BICC1: variants seen among roughly 807,000 people sequenced by gnomAD.
BICC1 encodes protein bicaudal C homolog 1.
BICC1 carries 43 observed loss-of-function variants against 111.0 expected under a neutral mutation model. The observed-to-expected ratio is 0.39, with a 90% CI of 0.30 to 0.50. The LOEUF (loss-of-function observed/expected upper bound fraction) is 0.50. BICC1 is among the 20% of genes least tolerant of loss of function. The pLI is 0.88. For synonymous variants in BICC1, 467 were observed against 434.4 expected, an observed-to-expected ratio of 1.07 and a Z score of -0.93; for missense variants, 1,091 against 1,203.2, an observed-to-expected ratio of 0.91 and a Z score of 1.38.
At chr10:58,645,838 A>G (rs1418238335) in intron 2 of BICC1, among the ~76,000 whole-genome samples, 2 of 152,184 alleles carry the variant, frequency 1.3e-5, no homozygotes, top group East Asian at 3.8e-4. Context: ...ATCTTGCCAG[A>G]AGCAGTTGCC....
At chr10:58,627,539 G>T (rs1014101616) in intron 2 of BICC1, among the ~76,000 whole-genome samples, 3 of 152,068 alleles carry the variant, frequency 2.0e-5, no homozygotes, top group African/African-American at 7.2e-5. Context: ...GAACTATTTC[G>T]ACATTATGTA....
intron 1 of BICC1, among the ~76,000 whole-genome samples, chr10:58,596,671 C>T (rs1015160237): frequency 6.6e-6 from 1 of 152,222 alleles, no homozygotes; most frequent in Non-Finnish European, 1.5e-5. Flanking sequence ...TCATCTCAGC[C>T]CCAAATCTCC....
intron 1 of BICC1, among the ~76,000 whole-genome samples, chr10:58,613,491 C>T (rs1669934706): frequency 6.6e-6 from 1 of 152,056 alleles, no homozygotes; most frequent in South Asian, 2.1e-4. Context: ...TTCACAGGCT[C>T]CATTTTGCCC....
chr10:58,592,220 C>G (rs779100964), intron 1 of BICC1, among the ~76,000 whole-genome samples: 1 of 152,098 alleles, frequency 6.6e-6, no homozygotes. Flanking sequence ...CCCTGTATAG[C>G]CGAGTATTAC....
At chr10:58,531,485 C>T (rs1031179684) in intron 1 of BICC1, among the ~76,000 whole-genome samples, 2 of 151,736 alleles carry the variant, frequency 1.3e-5, no homozygotes, top group African/African-American at 4.8e-5. Flanking sequence ...AAGAGGTGAC[C>T]GTTTATTCAA....
At chr10:58,766,681 CA>C (rs992751159) in intron 3 of BICC1, among the ~76,000 whole-genome samples, 3 of 151,662 alleles carry the variant, frequency 2.0e-5, no homozygotes, top group Non-Finnish European at 4.4e-5. Flanking sequence ...ACTGCTGGAG[CA>C]AAAAATTTAA....
At chr10:58,605,609 A>T (rs1217569678) in intron 1 of BICC1, among the ~76,000 whole-genome samples, 1 of 152,222 alleles carries the variant, frequency 6.6e-6, no homozygotes, top group East Asian at 1.9e-4. Flanking sequence ...TAATATTTGG[A>T]TATAACCTGT....
chr10:58,512,918 C>T lies in BICC1; in HGVS notation c.-226C>T, dbSNP rs1246054811. On this transcript the variant is annotated 5_prime_UTR_variant, in exon 1 of 21. Coordinates refer to ENST00000373886, the MANE Select transcript of BICC1 (RefSeq NM_001080512.3). The stretch of plus-strand genomic sequence containing the variant: ...CGGGGGGCGGCGCAGCCACTGGACC[C>T]GGACCGGGGCCGCGACCCGGGGTGG... Among the ~76,000 whole-genome samples, 3 of 147,132 alleles carry T rather than the reference C, an allele frequency of 2.0e-5. No individual in the cohort carries two copies. The highest frequency in any genetic ancestry group is 4.9e-5 in the African/African-American group (2 of 40,914).
chr10:58,729,895 A>G (rs1841234888), intron 3 of BICC1, among the ~76,000 whole-genome samples: 1 of 152,208 alleles, frequency 6.6e-6, no homozygotes, highest in Admixed American at 6.5e-5. Context: ...AACATTGGAG[A>G]TTACAATTCA....
chr10:58,808,873 G>A (rs1843803193), intron 17 of BICC1, among the ~76,000 whole-genome samples: 1 of 151,944 alleles, frequency 6.6e-6, no homozygotes, highest in African/African-American at 2.4e-5. Flanking sequence ...CCACCATCAT[G>A]CCCAGCTAAT....
chr10:58,610,729 G>A (rs1039927709), intron 1 of BICC1, among the ~76,000 whole-genome samples: 12 of 151,822 alleles, frequency 7.9e-5, no homozygotes, highest in African/African-American at 4.8e-5. Context: ...TTTTTAAACA[G>A]CCTAGAATTG....
intron 2 of BICC1, among the ~76,000 whole-genome samples, chr10:58,641,105 G>T (rs1436639706): frequency 6.6e-6 from 1 of 152,162 alleles, no homozygotes; most frequent in Non-Finnish European, 1.5e-5. Context: ...CTGAGCCTCA[G>T]CAGGAAAAAT....
At chr10:58,790,041 C>G (rs1843130333) in intron 8 of BICC1, 108 bp downstream of exon 8, 1 of 1,264,606 alleles carries the variant, frequency 7.9e-7, no homozygotes, top group African/African-American at 1.5e-5. Flanking sequence ...ACTTCGGAAG[C>G]CTCGTCAAAT....
At chr10:58,579,599 T>C (rs1326610689) in intron 1 of BICC1, among the ~76,000 whole-genome samples, 1 of 152,208 alleles carries the variant, frequency 6.6e-6, no homozygotes, top group African/African-American at 2.4e-5. Context: ...TCCCTGGATG[T>C]CAGCAAATCA....
At chr10:58,686,798 T>C (rs547903569) in intron 2 of BICC1, among the ~76,000 whole-genome samples, 1 of 152,342 alleles carries the variant, frequency 6.6e-6, no homozygotes, top group Non-Finnish European at 1.5e-5. Context: ...TCAGCTTCTT[T>C]GCGATGGGTT....
At chr10:58,669,433 A>G (rs1381079640) in intron 2 of BICC1, among the ~76,000 whole-genome samples, 4 of 152,136 alleles carry the variant, frequency 2.6e-5, no homozygotes, top group Non-Finnish European at 5.9e-5. Context: ...TTTAATTAAA[A>G]GGACAATTTG....
intron 1 of BICC1, among the ~76,000 whole-genome samples, chr10:58,555,306 ATTTTTT>A (rs61692850): frequency 0.015 from 1,588 of 102,484 alleles, 40 homozygotes; most frequent in African/African-American, 0.049. Flanking sequence ...GCTGTTGGAC[ATTTTTT>A]TTTTTTTTTT....
chr10:58,621,106 A>G (rs1845790209), intron 2 of BICC1, among the ~76,000 whole-genome samples: 1 of 152,164 alleles, frequency 6.6e-6, no homozygotes, highest in Non-Finnish European at 1.5e-5. Context: ...TTCCAGGGAA[A>G]ATCTAATGAA....
At chr10:58,722,240 T>A (rs1840961253) in intron 3 of BICC1, among the ~76,000 whole-genome samples, 1 of 152,252 alleles carries the variant, frequency 6.6e-6, no homozygotes, top group Admixed American at 6.5e-5. Flanking sequence ...ACTGAAAAGA[T>A]GCCTGCACTG....
Sources: allele counts gnomAD v4.1 joint callset (sites outside exome capture counted in the v4.1 genomes callset), GRCh38; gene constraint gnomAD v4.1.1; transcripts MANE v1.5; gene names NCBI Gene and HGNC (gene_info 2026-07-23, HGNC 2026-07-21).